ZNF280D: variants seen among roughly 807,000 people sequenced by gnomAD.
ZNF280D encodes suppressor of hairy wing homolog 4.
A neutral mutation model predicts 94.7 loss-of-function variants in ZNF280D; 39 were observed. The observed-to-expected ratio is 0.41, with a 90% confidence interval of 0.32 to 0.54. The LOEUF (loss-of-function observed/expected upper bound fraction) is 0.54, where lower values mean the gene tolerates loss of function less well. ZNF280D is among the 20% of genes least tolerant of loss of function. The probability of loss-of-function intolerance (pLI) is 0.22; values close to 1 mark genes in which losing one functional copy is unlikely to be tolerated. For missense variants in ZNF280D, 1,090 were observed against 1,149.3 expected, an observed-to-expected ratio of 0.95 and a Z score of 0.75; for synonymous variants, 398 against 377.6, an observed-to-expected ratio of 1.05 and a Z score of -0.63.
chr15:56,670,039 C>A, intron 13 of ZNF280D, among the ~76,000 whole-genome samples: 1 of 13,466 alleles, frequency 7.4e-5, no homozygotes, highest in Non-Finnish European at 1.5e-4. Flanking sequence ...TTAGAGAAAC[C>A]ACTCTTTTGT....
chr15:56,674,588 T>C lies in ZNF280D; in HGVS notation c.1410+2082A>G, dbSNP rs145245287. Among the ~76,000 whole-genome samples the C allele has an allele frequency of 2.1e-3, 320 of 152,150 alleles. 2 individuals carry two copies. The highest frequency in any genetic ancestry group is 6.8e-3 in the South Asian group (33 of 4,826). On this transcript the variant is annotated intron_variant, in intron 13 of 21. Coordinates refer to ENST00000267807, the MANE Select transcript of ZNF280D (RefSeq NM_017661.4). Reference sequence around the variant, plus strand: ...TTTTGACTCTGCCTTTATTAGACAATGTGACATTAGGCAAGTTACTTTCTC... The same window carrying C: ...TTTTGACTCTGCCTTTATTAGACAACGTGACATTAGGCAAGTTACTTTCTC...
rs770307563 is a variant in ZNF280D at position 56,631,546 on chromosome 15, G to A, written c.2892C>T (p.Ser964=). The A allele has an allele frequency of 3.0e-5, 48 of 1,613,974 alleles. 1 individual carries two copies. In the Admixed American group the frequency reaches 7.2e-4, roughly 24 times the overall value. ...TDDIPGGNNP[S]TTEATVDLED... The stretch of plus-strand genomic sequence containing the variant: ...CCAGGTCTACTGTTGCCTCTGTTGT[G>A]CTAGGGTTATTTCCTCCAGGAATGT... The change falls in exon 22 of 22, where the codon AGC becomes AGT. Residue 964 remains serine (S), a synonymous_variant. Coordinates refer to ENST00000267807, the MANE Select transcript of ZNF280D (RefSeq NM_017661.4).
intron 1 of ZNF280D, among the ~76,000 whole-genome samples, chr15:56,707,754 T>C (rs1567017629): frequency 1.3e-5 from 2 of 152,030 alleles, no homozygotes; most frequent in Non-Finnish European, 1.5e-5. Context: ...GAACAGAAAA[T>C]TCATTGGAAA....
At chr15:56,723,117 C>T (rs1056621834) in intron 1 of ZNF280D, among the ~76,000 whole-genome samples, 4 of 151,670 alleles carry the variant, frequency 2.6e-5, no homozygotes, top group African/African-American at 4.9e-5. Flanking sequence ...CTGGGAGATA[C>T]ACCTACTGCT....
At chr15:56,663,944 A>C (rs2140825008) in intron 16 of ZNF280D, among the ~76,000 whole-genome samples, 2 of 152,262 alleles carry the variant, frequency 1.3e-5, no homozygotes, top group Middle Eastern at 6.8e-3. Context: ...TAAAATTGGA[A>C]GTGATGGATA....
chr15:56,632,014 C>T lies in ZNF280D; in HGVS notation c.2424G>A (p.Lys808=), dbSNP rs754684945. The change falls in exon 22 of 22, where the codon AAG becomes AAA. Residue 808 remains lysine, a synonymous_variant. Transcript: ENST00000267807. ...GGTCTGCAAGACAGGTTTCATTTTCCTTATCTGAAACTGTTATGCTTTCTT... is the reference window on the plus strand; with the variant it reads ...GGTCTGCAAGACAGGTTTCATTTTCTTTATCTGAAACTGTTATGCTTTCTT... The part of the protein sequence containing the change: ...KSEESITVSD[K]ENETCLADQE... 3.1e-6 allele frequency: 5 copies of T among 1,613,912 alleles called. No homozygotes were observed. Among genetic ancestry groups the T allele is most frequent in the Non-Finnish European group, 3.4e-6 (4 of 1,179,966 alleles).
At chr15:56,648,944 A>G (rs1210933946) in intron 19 of ZNF280D, among the ~76,000 whole-genome samples, 1 of 152,130 alleles carries the variant, frequency 6.6e-6, no homozygotes, top group East Asian at 1.9e-4. Context: ...CTAGTATGAA[A>G]TGATCTGCTA....
chr15:56,688,837 T>A lies in ZNF280D; in HGVS notation c.780+204A>T, dbSNP rs150398542. 8.4e-3 allele frequency: 2,920 copies of A among 347,896 alleles called. 15 individuals carry two copies. Among genetic ancestry groups the A allele is most frequent in the Non-Finnish European group, 0.011 (2,216 of 193,282 alleles). 21.6% of individuals were successfully genotyped at this position (347,896 alleles called of 1,614,324 possible). A position where few individuals can be genotyped will look rare whatever the true frequency, so the allele number is the denominator to read the frequency against. ...ATTAAAATACAATAAGCATACATTA[T>A]AATATATACAAATTTAAGTTTTAAA... On this transcript the variant is annotated intron_variant, in intron 9 of 21. Coordinates refer to ENST00000267807, the MANE Select transcript of ZNF280D (RefSeq NM_017661.4).
At chr15:56,669,304 G>A (rs1021121367) in intron 13 of ZNF280D, among the ~76,000 whole-genome samples, 2 of 151,924 alleles carry the variant, frequency 1.3e-5, no homozygotes, top group Non-Finnish European at 2.9e-5. Flanking sequence ...CTAGAAAAAG[G>A]AAATTATTTC....
At chr15:56,686,653 T>G (rs1385119647) in intron 9 of ZNF280D, among the ~76,000 whole-genome samples, 1 of 152,130 alleles carries the variant, frequency 6.6e-6, no homozygotes, top group African/African-American at 2.4e-5. Context: ...TTGATAAATA[T>G]CGAATTCCAT....
intron 17 of ZNF280D, among the ~76,000 whole-genome samples, chr15:56,655,908 C>G (rs1455751796): frequency 1.3e-5 from 2 of 151,816 alleles, no homozygotes; most frequent in African/African-American, 4.8e-5. Flanking sequence ...TGTTAAGTTG[C>G]CTAAAGTAAT....
intron 19 of ZNF280D, among the ~76,000 whole-genome samples, chr15:56,651,437 C>T (rs1422195375): frequency 6.6e-6 from 1 of 152,134 alleles, no homozygotes; most frequent in African/African-American, 2.4e-5. Flanking sequence ...AATAAGCAAA[C>T]TTTGTACTGA....
At chr15:56,733,227 C>G (rs1021715217) in intron 1 of ZNF280D, among the ~76,000 whole-genome samples, 8 of 152,256 alleles carry the variant, frequency 5.3e-5, no homozygotes, top group Non-Finnish European at 1.2e-4. Flanking sequence ...GCAGCCGAGG[C>G]GGCTGCCGCG....
chr15:56,700,897 T>A (rs779338701), intron 6 of ZNF280D, 36 bp downstream of exon 6: 1 of 1,613,688 alleles, frequency 6.2e-7, no homozygotes, highest in Non-Finnish European at 8.5e-7. Context: ...ATCCAATGGA[T>A]CCCTGAGCTG....
Position 56,701,038 on chromosome 15 carries a change from G to A in ZNF280D, c.276C>T (p.His92=), listed in dbSNP as rs149692431. The part of the protein sequence containing the change: ...ITAAFKPTSQ[H]YTNPTSNPVP... ...CTGGATTTGATGTTGGATTCGTGTA[G>A]TGTTGACTTGTAGGCTTGAATGCAG... Residue 92 remains histidine (H), a synonymous_variant, in exon 6 of 22, where the codon CAC becomes CAT. Coordinates refer to ENST00000267807, the MANE Select transcript of ZNF280D (RefSeq NM_017661.4). 6.2e-7 allele frequency: 1 copy of A among 1,613,856 alleles called. No homozygotes were observed. The highest frequency in any genetic ancestry group is 1.1e-5 in the South Asian group (1 of 91,070).
intron 6 of ZNF280D, 110 bp from the exon 7 acceptor site, chr15:56,693,325 T>C (rs2056534370): frequency 3.6e-6 from 1 of 281,148 alleles, no homozygotes; most frequent in Non-Finnish European, 6.2e-6. Flanking sequence ...TTTTATTTCA[T>C]AGACATTTAT....
At position 56,716,177 on chromosome 15, in the gene ZNF280D, T is replaced by C. The variant is rs144805662; in HGVS notation, c.-85-8871A>G. ...TACTGTGTGTCGGGTAGGAATACAA[T>C]AATGAACAAAAATTAATACATACTT... On this transcript the variant is annotated intron_variant, in intron 1 of 21. Transcript: ENST00000267807. Among the ~76,000 whole-genome samples the C allele has an allele frequency of 1.4e-4, 21 of 152,128 alleles. No homozygotes were observed. In the East Asian group the frequency reaches 4.1e-3, roughly 29 times the overall value.
intron 19 of ZNF280D, among the ~76,000 whole-genome samples, chr15:56,648,796 T>C (rs1382579450): frequency 6.6e-6 from 1 of 152,206 alleles, no homozygotes; most frequent in African/African-American, 2.4e-5. Flanking sequence ...GGGTAGAGTA[T>C]AGAATCAATC....
At chr15:56,697,231 C>G (rs2056807734) in intron 6 of ZNF280D, among the ~76,000 whole-genome samples, 1 of 152,026 alleles carries the variant, frequency 6.6e-6, no homozygotes. Context: ...GTCACCCAGG[C>G]TGGAGTGCAG....
Sources: allele counts gnomAD v4.1 joint callset (sites outside exome capture counted in the v4.1 genomes callset), GRCh38; gene constraint gnomAD v4.1.1; transcripts MANE v1.5; gene names NCBI Gene and HGNC (gene_info 2026-07-23, HGNC 2026-07-21).